The following ENAH variants were observed in gnomAD, a reference collection of about 807,000 sequenced individuals.
ENAH encodes protein enabled homolog.
In ENAH, 23 loss-of-function variants were observed where a neutral mutation model predicts 78.7. That is an observed-to-expected ratio of 0.29 (90% CI 0.21 to 0.41). The LOEUF (loss-of-function observed/expected upper bound fraction) is 0.41, where lower values mean the gene tolerates loss of function less well. Among genes scored for constraint, ENAH ranks in the 10% least tolerant of loss-of-function variants. ENAH has a pLI of 1.00. For synonymous variants in ENAH, 226 were observed against 241.0 expected, an observed-to-expected ratio of 0.94 and a Z score of 0.58; for missense variants, 544 against 691.0, an observed-to-expected ratio of 0.79 and a Z score of 2.39.
chr1:225,627,208 C>T (rs1658110431), intron 1 of ENAH, among the ~76,000 whole-genome samples: 1 of 152,140 alleles, frequency 6.6e-6, no homozygotes, highest in South Asian at 2.1e-4. Context: ...ACTGAAACAC[C>T]TAAGTATAAA....
chr1:225,525,624 C>G (rs2096497719), intron 4 of ENAH, among the ~76,000 whole-genome samples: 2 of 152,212 alleles, frequency 1.3e-5, no homozygotes, highest in Admixed American at 1.3e-4. Context: ...AATTACCTAT[C>G]TCTTTCCTAA....
intron 1 of ENAH, among the ~76,000 whole-genome samples, chr1:225,569,050 G>A (rs1439292596): frequency 1.3e-5 from 2 of 152,188 alleles, no homozygotes; most frequent in African/African-American, 4.8e-5. Flanking sequence ...TAAAGGGCAT[G>A]TGTCAGTAGC....
intron 3 of ENAH, among the ~76,000 whole-genome samples, chr1:225,531,413 G>C (rs1483704439): frequency 6.6e-6 from 1 of 151,974 alleles, no homozygotes; most frequent in African/African-American, 2.4e-5. Flanking sequence ...ACTGAATTAT[G>C]GGACATCTTA....
chr1:225,519,174 C>G, intron 5 of ENAH, 24 bp downstream of exon 5: 2 of 1,608,712 alleles, frequency 1.2e-6, no homozygotes, highest in Non-Finnish European at 1.7e-6. Context: ...TACAAGAACA[C>G]AGAAGAGTTT....
chr1:225,614,958 TTAAGAG>T (rs1356518673), intron 1 of ENAH, among the ~76,000 whole-genome samples: 2 of 152,056 alleles, frequency 1.3e-5, no homozygotes, highest in Non-Finnish European at 2.9e-5. Context: ...ACACAAATCC[TTAAGAG>T]TAATACTTTT....
At chr1:225,572,605 A>G (rs980178684) in intron 1 of ENAH, among the ~76,000 whole-genome samples, 16 of 152,344 alleles carry the variant, frequency 1.1e-4, no homozygotes, top group Middle Eastern at 3.4e-3. Flanking sequence ...CACAAGAGAC[A>G]GTATTGCTGC....
chr1:225,622,891 G>A (rs1349357564), intron 1 of ENAH, among the ~76,000 whole-genome samples: 3 of 152,100 alleles, frequency 2.0e-5, no homozygotes, highest in East Asian at 1.9e-4. Flanking sequence ...GAAGTAACTC[G>A]AAGGATGGAT....
At chr1:225,560,384 G>C (rs1043209735) in intron 2 of ENAH, among the ~76,000 whole-genome samples, 2 of 152,046 alleles carry the variant, frequency 1.3e-5, no homozygotes, top group Admixed American at 1.3e-4. Context: ...CCAGCTACTT[G>C]GGAGACTGAG....
At chr1:225,592,750 CT>C (rs2096883068) in intron 1 of ENAH, among the ~76,000 whole-genome samples, 1 of 152,136 alleles carries the variant, frequency 6.6e-6, no homozygotes, top group Non-Finnish European at 1.5e-5. Context: ...TACTATTATC[CT>C]AAGGAAACCC....
chr1:225,603,372 C>T (rs1423575335), intron 1 of ENAH, among the ~76,000 whole-genome samples: 1 of 151,934 alleles, frequency 6.6e-6, no homozygotes, highest in African/African-American at 2.4e-5. Flanking sequence ...AAAGAATAAC[C>T]CCTGAAATAA....
Position 225,550,194 on chromosome 1 carries a change from C to T in ENAH, c.349+4712G>A, listed in dbSNP as rs1303121072. Among the ~76,000 whole-genome samples the T allele has an allele frequency of 3.9e-5, 6 of 152,268 alleles. No homozygotes were observed. In the East Asian group the frequency reaches 9.6e-4, roughly 24 times the overall value. On this transcript the variant is annotated intron_variant, in intron 3 of 13. Coordinates refer to ENST00000366843, the MANE Select transcript of ENAH (RefSeq NM_018212.6). ...TCTAGAATGTTCTATCACTGATGAGCCCTCCCCATTCTTCAAACATAGCTG... is the reference window on the plus strand; with the variant it reads ...TCTAGAATGTTCTATCACTGATGAGTCCTCCCCATTCTTCAAACATAGCTG...
At chr1:225,626,714 T>C (rs906816248) in intron 1 of ENAH, among the ~76,000 whole-genome samples, 18 of 152,280 alleles carry the variant, frequency 1.2e-4, no homozygotes, top group African/African-American at 4.1e-4. Flanking sequence ...ATTACCACTT[T>C]TGGAAAACCA....
intron 1 of ENAH, among the ~76,000 whole-genome samples, chr1:225,614,495 T>C (rs2097013156): frequency 6.6e-6 from 1 of 152,240 alleles, no homozygotes; most frequent in Non-Finnish European, 1.5e-5. Context: ...CTTGGATGTG[T>C]TCTTGCTCAT....
chr1:225,526,656 A>T (rs967054126), intron 4 of ENAH, among the ~76,000 whole-genome samples: 1 of 152,056 alleles, frequency 6.6e-6, no homozygotes, highest in Admixed American at 6.5e-5. Flanking sequence ...CGGGGAAAAA[A>T]ACAGTGAGGT....
chr1:225,527,849 G>A (rs1020191434), intron 4 of ENAH, among the ~76,000 whole-genome samples: 6 of 152,016 alleles, frequency 3.9e-5, no homozygotes, highest in South Asian at 2.1e-4. Flanking sequence ...CACCTCCTCC[G>A]TGAACCTCCC....
At chr1:225,499,279 A>G (rs916398449) in intron 12 of ENAH, among the ~76,000 whole-genome samples, 2 of 151,718 alleles carry the variant, frequency 1.3e-5, no homozygotes, top group Non-Finnish European at 2.9e-5. Flanking sequence ...AAAAAAAAAT[A>G]AATAAATAAA....
chr1:225,645,564 A>G (rs1341577181), intron 1 of ENAH, among the ~76,000 whole-genome samples: 1 of 152,200 alleles, frequency 6.6e-6, no homozygotes, highest in African/African-American at 2.4e-5. Flanking sequence ...GGGTCATACG[A>G]TAACTCTATG....
chr1:225,615,044 C>CTCTCCCTCTCCCCGG (rs1489733615), intron 1 of ENAH, among the ~76,000 whole-genome samples: 2 of 61,322 alleles, frequency 3.3e-5, no homozygotes, highest in Admixed American at 1.5e-4. Flanking sequence ...CCCGGTCTCC[C>CTCTCCCTCTCCCCGG]TCTCCCTCTC....
chr1:225,615,771 C>G (rs1218740509), intron 1 of ENAH, among the ~76,000 whole-genome samples: 1 of 150,962 alleles, frequency 6.6e-6, no homozygotes, highest in Non-Finnish European at 1.5e-5. Flanking sequence ...TCTGCCCGGC[C>G]GCCCCGTCTG....
Sources: gnomAD v4.1 joint callset for allele counts (sites outside exome capture counted in the v4.1 genomes callset) on GRCh38, gnomAD v4.1.1 for gene constraint, MANE v1.5 for transcripts, NCBI Gene and HGNC (gene_info 2026-07-23, HGNC 2026-07-21) for gene names.